The following DLG2 variants were observed in gnomAD, a reference collection of about 807,000 sequenced individuals.
DLG2 encodes the protein disks large homolog 2.
In DLG2, 45 loss-of-function variants were observed where a neutral mutation model predicts 132.5. That is an observed-to-expected ratio of 0.34 (90% CI 0.27 to 0.44). The LOEUF (loss-of-function observed/expected upper bound fraction) is 0.44, where lower values mean the gene tolerates loss of function less well. DLG2 is among the 20% of genes least tolerant of loss of function. The probability of loss-of-function intolerance (pLI) is 1.00; values close to 1 mark genes in which losing one functional copy is unlikely to be tolerated. For synonymous variants in DLG2, 424 were observed against 419.6 expected, an observed-to-expected ratio of 1.01 and a Z score of -0.13; for missense variants, 1,045 against 1,196.9, an observed-to-expected ratio of 0.87 and a Z score of 1.87.
intron 9 of DLG2, among the ~76,000 whole-genome samples, chr11:84,125,539 A>G (rs987509219): frequency 6.6e-6 from 1 of 152,150 alleles, no homozygotes; most frequent in African/African-American, 2.4e-5. Context: ...GCAAATTTTG[A>G]GATGGGGGCA....
intron 6 of DLG2, among the ~76,000 whole-genome samples, chr11:84,784,346 AAATAAATAAATAAATAAATAAATT>A (rs1565953104): frequency 3.4e-5 from 5 of 145,488 alleles, no homozygotes; most frequent in Non-Finnish European, 1.5e-5. Context: ...ATAAATAAAT[AAATAAATAAATAAATAAATAAATT>A]AAACAAGAGT....
At chr11:84,089,603 G>A (rs1252528553) in intron 10 of DLG2, among the ~76,000 whole-genome samples, 1 of 152,110 alleles carries the variant, frequency 6.6e-6, no homozygotes, top group Non-Finnish European at 1.5e-5. Flanking sequence ...TCAAACCTCA[G>A]TATAATCATT....
chr11:85,480,185 C>A (rs2093253161), intron 3 of DLG2, among the ~76,000 whole-genome samples: 1 of 152,184 alleles, frequency 6.6e-6, no homozygotes, highest in Non-Finnish European at 1.5e-5. Context: ...TCGGCACAAT[C>A]ACTTTAGAGA....
chr11:84,640,398 C>G (rs2099656382), intron 6 of DLG2: 1 of 397,908 alleles, frequency 2.5e-6, no homozygotes, highest in Admixed American at 3.8e-5. Context: ...TTTGGTATCT[C>G]AAGCCCAGAA....
At chr11:85,468,933 C>T (rs1479246828) in intron 3 of DLG2, among the ~76,000 whole-genome samples, 1 of 152,170 alleles carries the variant, frequency 6.6e-6, no homozygotes, top group African/African-American at 2.4e-5. Context: ...GCTGGGATTA[C>T]AAGCATGAGC....
chr11:85,279,061 T>A (rs975437599), intron 4 of DLG2, among the ~76,000 whole-genome samples: 3 of 152,198 alleles, frequency 2.0e-5, no homozygotes, highest in Non-Finnish European at 2.9e-5. Context: ...TTGGTTTTCC[T>A]CATCTTTATA....
At chr11:83,628,043 C>T (rs538126841) in intron 19 of DLG2, among the ~76,000 whole-genome samples, 1 of 152,156 alleles carries the variant, frequency 6.6e-6, no homozygotes, top group South Asian at 2.1e-4. Flanking sequence ...TATCCTTCGC[C>T]CACTTTTTGA....
At chr11:85,055,625 A>C (rs1430041414) in intron 6 of DLG2, among the ~76,000 whole-genome samples, 1 of 152,180 alleles carries the variant, frequency 6.6e-6, no homozygotes, top group Non-Finnish European at 1.5e-5. Flanking sequence ...GCAGTGACAA[A>C]AAGTACAAAG....
At chr11:85,197,169 T>C (rs1221480904) in intron 4 of DLG2, among the ~76,000 whole-genome samples, 3 of 152,218 alleles carry the variant, frequency 2.0e-5, no homozygotes, top group Admixed American at 2.0e-4. Flanking sequence ...GGCAGACCTT[T>C]CTACGATGTA....
At chr11:84,255,735 A>G (rs969466196) in intron 7 of DLG2, among the ~76,000 whole-genome samples, 1 of 152,160 alleles carries the variant, frequency 6.6e-6, no homozygotes, top group African/African-American at 2.4e-5. Context: ...CATTAACTGG[A>G]AGGAGATTTA....
intron 6 of DLG2, among the ~76,000 whole-genome samples, chr11:84,689,535 AT>A (rs1198065609): frequency 6.6e-6 from 1 of 152,112 alleles, no homozygotes; most frequent in East Asian, 1.9e-4. Context: ...ATAAGTATTT[AT>A]TATGCATTTA....
At chr11:84,907,986 A>T (rs1338409617) in intron 6 of DLG2, among the ~76,000 whole-genome samples, 1 of 152,124 alleles carries the variant, frequency 6.6e-6, no homozygotes, top group East Asian at 1.9e-4. Context: ...ATTCTTACCC[A>T]TCCTATCTGT....
intron 6 of DLG2, among the ~76,000 whole-genome samples, chr11:84,595,666 G>A (rs1170846334): frequency 6.6e-6 from 1 of 152,036 alleles, no homozygotes; most frequent in Non-Finnish European, 1.5e-5. Flanking sequence ...GGTTATTACT[G>A]TTTCATTTCT....
intron 8 of DLG2, among the ~76,000 whole-genome samples, chr11:84,212,588 G>A (rs900283333): frequency 2.0e-5 from 3 of 152,254 alleles, no homozygotes; most frequent in East Asian, 1.9e-4. Context: ...TTGAGTTTTC[G>A]TAATTGACTT....
chr11:84,816,457 T>C (rs1323307854), intron 6 of DLG2, among the ~76,000 whole-genome samples: 1 of 151,862 alleles, frequency 6.6e-6, no homozygotes, highest in Non-Finnish European at 1.5e-5. Flanking sequence ...TTTCTTCTTC[T>C]TTTCCACATG....
chr11:85,005,040 T>C (rs1450319554), intron 6 of DLG2, among the ~76,000 whole-genome samples: 2 of 152,154 alleles, frequency 1.3e-5, no homozygotes, highest in Non-Finnish European at 2.9e-5. Context: ...TGGTTGTAGA[T>C]GTGTGGTGTT....
chr11:85,554,682 C>A, intron 3 of DLG2, among the ~76,000 whole-genome samples: 1 of 151,836 alleles, frequency 6.6e-6, no homozygotes, highest in East Asian at 1.9e-4. Flanking sequence ...CTGGGGGGAG[C>A]TGAATTCTGC....
At chr11:84,080,620 A>G (rs1456824747) in intron 10 of DLG2, among the ~76,000 whole-genome samples, 5 of 152,224 alleles carry the variant, frequency 3.3e-5, no homozygotes, top group Non-Finnish European at 5.9e-5. Flanking sequence ...ATTGTGTTTT[A>G]ATAATTTTAT....
At chr11:84,022,578 A>T (rs1359128688) in intron 11 of DLG2, among the ~76,000 whole-genome samples, 3 of 152,210 alleles carry the variant, frequency 2.0e-5, no homozygotes, top group African/African-American at 7.2e-5. Context: ...CTCTTCTCCA[A>T]AGAAAACAAA....
Sources: gnomAD v4.1 joint callset for allele counts (sites outside exome capture counted in the v4.1 genomes callset) on GRCh38, gnomAD v4.1.1 for gene constraint, MANE v1.5 for transcripts, NCBI Gene and HGNC (gene_info 2026-07-23, HGNC 2026-07-21) for gene names.